CEP128: variants seen among roughly 807,000 people sequenced by gnomAD.
The protein encoded by CEP128 is centrosomal protein 128.
In CEP128, 132 loss-of-function variants were observed where a neutral mutation model predicts 156.7. That is an observed-to-expected ratio of 0.84 (90% CI 0.73 to 0.97). CEP128 has a LOEUF of 0.97. Among genes scored for constraint, CEP128 ranks in the 50% least tolerant of loss-of-function variants. CEP128 has a pLI of 0.00. For missense variants in CEP128, 1,252 were observed against 1,281.9 expected, an observed-to-expected ratio of 0.98 and a Z score of 0.36; for synonymous variants, 469 against 448.9, an observed-to-expected ratio of 1.04 and a Z score of -0.57.
chr14:80,823,879 G>T (rs144567996), intron 13 of CEP128, among the ~76,000 whole-genome samples: 27 of 152,346 alleles, frequency 1.8e-4, no homozygotes, highest in Middle Eastern at 3.4e-3. Flanking sequence ...GCCCCAGTAG[G>T]GACAATGTGC....
intron 2 of CEP128, among the ~76,000 whole-genome samples, chr14:80,931,173 G>A (rs1885439756): frequency 6.6e-6 from 1 of 152,218 alleles, no homozygotes; most frequent in Non-Finnish European, 1.5e-5. Flanking sequence ...CACAGCTGCA[G>A]AACTATTAAA....
chr14:80,602,646 A>G (rs1019954583), intron 19 of CEP128, among the ~76,000 whole-genome samples: 4 of 152,046 alleles, frequency 2.6e-5, no homozygotes, highest in African/African-American at 7.2e-5. Context: ...GGTGGCATGC[A>G]CCTGTAGTCC....
At chr14:80,941,493 C>T (rs1370954337) in intron 1 of CEP128, 88 bp downstream of exon 1, 1 of 152,634 alleles carries the variant, frequency 6.6e-6, no homozygotes, top group African/African-American at 2.4e-5. Flanking sequence ...GGTCCCCACC[C>T]CTGGGACGAG....
At chr14:80,484,636 G>A (rs542755912) in intron 14 of CEP128, among the ~76,000 whole-genome samples, 3 of 152,198 alleles carry the variant, frequency 2.0e-5, no homozygotes, top group African/African-American at 7.2e-5. Flanking sequence ...CCTTAGGAAA[G>A]CAGGTAATTT....
At chr14:80,587,412 C>A (rs944229121) in intron 19 of CEP128, among the ~76,000 whole-genome samples, 1 of 152,198 alleles carries the variant, frequency 6.6e-6, no homozygotes, top group Non-Finnish European at 1.5e-5. Context: ...GAAAGGTTTA[C>A]AGTTCACTGT....
At chr14:80,624,513 A>G (rs578066672) in intron 19 of CEP128, among the ~76,000 whole-genome samples, 108 of 152,292 alleles carry the variant, frequency 7.1e-4, no homozygotes, top group African/African-American at 2.6e-3. Context: ...ACTGTTTTCC[A>G]TAATGGAGGT....
At chr14:80,555,243 C>A (rs1047033384) in intron 21 of CEP128, among the ~76,000 whole-genome samples, 1 of 152,188 alleles carries the variant, frequency 6.6e-6, no homozygotes, top group Middle Eastern at 3.4e-3. Context: ...CAATGAAGGC[C>A]TAGTTTTTGC....
chr14:80,774,459 T>C (rs539640278), intron 16 of CEP128, among the ~76,000 whole-genome samples: 1 of 152,344 alleles, frequency 6.6e-6, no homozygotes, highest in African/African-American at 2.4e-5. Flanking sequence ...ATTCATTGCA[T>C]TGCTTACATG....
At chr14:80,951,192 C>T (rs1886456538) in intron 2 of CEP128, among the ~76,000 whole-genome samples, 1 of 152,016 alleles carries the variant, frequency 6.6e-6, no homozygotes, top group African/African-American at 2.4e-5. Flanking sequence ...AGGAAAGTGA[C>T]AGCAGTGAAA....
chr14:80,635,820 T>C (rs7159302), intron 19 of CEP128, among the ~76,000 whole-genome samples: 77,011 of 152,024 alleles, frequency 0.51, 21,067 homozygotes, highest in Non-Finnish European at 0.59. Flanking sequence ...CAGTGGAAAA[T>C]TCCACACCTG....
intron 16 of CEP128, among the ~76,000 whole-genome samples, chr14:80,764,273 TG>T (rs1044933763): frequency 1.0e-4 from 15 of 146,610 alleles, no homozygotes; most frequent in African/African-American, 3.8e-4. Flanking sequence ...CCGAGGCGGG[TG>T]GATCATGAGG....
downstream of CEP128, among the ~76,000 whole-genome samples, chr14:80,486,538 G>A (rs1055397765): frequency 1.3e-5 from 2 of 151,782 alleles, no homozygotes; most frequent in African/African-American, 4.8e-5. Flanking sequence ...GATACTTCTC[G>A]AGAAGAGCAA....
At chr14:80,663,910 G>T (rs1426831973) in intron 19 of CEP128, among the ~76,000 whole-genome samples, 1 of 152,192 alleles carries the variant, frequency 6.6e-6, no homozygotes, top group African/African-American at 2.4e-5. Context: ...AGTATTTAGA[G>T]GCAGCTCCAG....
chr14:80,519,899 G>A (rs1888658152), intron 23 of CEP128, among the ~76,000 whole-genome samples: 2 of 152,098 alleles, frequency 1.3e-5, no homozygotes, highest in South Asian at 4.1e-4. Flanking sequence ...AGAAATTAAA[G>A]TTTGCTGTGG....
chr14:80,772,510 T>A (rs900957489), intron 16 of CEP128, among the ~76,000 whole-genome samples: 1 of 152,108 alleles, frequency 6.6e-6, no homozygotes, highest in Non-Finnish European at 1.5e-5. Flanking sequence ...CATGCGTGAA[T>A]TGATTCTTCC....
chr14:80,682,757 T>C (rs568213545), intron 19 of CEP128, among the ~76,000 whole-genome samples: 85 of 152,264 alleles, frequency 5.6e-4, no homozygotes, highest in Admixed American at 1.2e-3. Context: ...CAGCAGAAGA[T>C]TTACAAGCCA....
intron 21 of CEP128, among the ~76,000 whole-genome samples, chr14:80,541,989 G>A (rs984218351): frequency 6.6e-6 from 1 of 152,158 alleles, no homozygotes; most frequent in Admixed American, 6.5e-5. Context: ...TTGTTGTAAG[G>A]ATCAAATACA....
At chr14:80,672,307 CAAA>C (rs11323956) in intron 19 of CEP128, among the ~76,000 whole-genome samples, 2 of 145,264 alleles carry the variant, frequency 1.4e-5, no homozygotes. Context: ...CCTAATAAGC[CAAA>C]AAAAAAAAAG....
chr14:80,590,077 C>T (rs1891984261), intron 19 of CEP128, among the ~76,000 whole-genome samples: 1 of 152,000 alleles, frequency 6.6e-6, no homozygotes, highest in Admixed American at 6.6e-5. Flanking sequence ...AGTGAGTAGG[C>T]AGTAATGAGA....
Sources: allele counts gnomAD v4.1 joint callset (sites outside exome capture counted in the v4.1 genomes callset), GRCh38; gene constraint gnomAD v4.1.1; transcripts MANE v1.5; gene names NCBI Gene and HGNC (gene_info 2026-07-23, HGNC 2026-07-21).